The following ZDHHC9 variants were observed in gnomAD, a reference collection of about 807,000 sequenced individuals.
The protein encoded by ZDHHC9 is zDHHC palmitoyltransferase 9, also known as palmitoyltransferase ZDHHC9.
A neutral mutation model predicts 26.6 loss-of-function variants in ZDHHC9; 3 were observed. That is an observed-to-expected ratio of 0.11 (90% confidence interval 0.05 to 0.29). The LOEUF (loss-of-function observed/expected upper bound fraction) is 0.29, where lower values mean the gene tolerates loss of function less well. Among genes scored for constraint, ZDHHC9 ranks in the 10% least tolerant of loss-of-function variants. The probability of loss-of-function intolerance (pLI) is 1.00; values close to 1 mark genes in which losing one functional copy is unlikely to be tolerated. For missense variants in ZDHHC9, 146 were observed against 296.4 expected, an observed-to-expected ratio of 0.49 and a Z score of 3.73; for synonymous variants, 111 against 109.4, an observed-to-expected ratio of 1.01 and a Z score of -0.09.
Position 129,836,991 on chromosome X carries a change from T to C in ZDHHC9, c.167+4788A>G, listed in dbSNP as rs772851131. ...ATAGCCAAAGGGTAACAATGAACAA[T>C]GAGATAAAATGTCGAAATTAGAAGA... On this transcript the variant is annotated intron_variant, in intron 3 of 10. Transcript: ENST00000357166. 9.0e-4 allele frequency among the ~76,000 whole-genome samples: 101 copies of C among 111,667 alleles called. 1 individual carries two copies. Among genetic ancestry groups the C allele is most frequent in the South Asian group, 1.5e-3 (4 of 2,729 alleles).
chrX:129,809,858 C>T (rs764560953), intron 10 of ZDHHC9, among the ~76,000 whole-genome samples: 3 of 109,660 alleles, frequency 2.7e-5, no homozygotes, highest in South Asian at 7.8e-4. Context: ...ATTAGCTGGG[C>T]GTGGTGGCAC....
At chrX:129,840,459 C>T (rs1928354709) in intron 3 of ZDHHC9, among the ~76,000 whole-genome samples, 1 of 111,582 alleles carries the variant, frequency 9.0e-6, no homozygotes, top group Non-Finnish European at 1.9e-5. Flanking sequence ...TGCCTGACTA[C>T]ACATGCTCAC....
Position 129,804,939 on chromosome X carries a change from G to C in ZDHHC9, c.*1431C>G, listed in dbSNP as rs1370153410. 3.8e-5 allele frequency: 4 copies of C among 105,484 alleles called. No homozygotes were observed. Among genetic ancestry groups the C allele is most frequent in the Non-Finnish European group, 7.8e-5 (4 of 51,214 alleles). The allele number at this position is 105,484 out of a possible 1,213,427, so 8.7% of individuals were successfully genotyped here. A position where few individuals can be genotyped will look rare whatever the true frequency, so the allele number is the denominator to read the frequency against. ...GGGGGAAGGAGGAGGCAGGAAGTTT[G>C]CATTAGACACAGTTTAATCGCCTTC... On this transcript the variant is annotated 3_prime_UTR_variant, in exon 11 of 11. Transcript: ENST00000357166.
chrX:129,831,948 C>T (rs1569322062), intron 3 of ZDHHC9, among the ~76,000 whole-genome samples: 1 of 110,911 alleles, frequency 9.0e-6, no homozygotes, highest in East Asian at 2.8e-4. Context: ...AGAATAAGTT[C>T]ATGAGATCTA....
intron 1 of ZDHHC9, 96 bp downstream of exon 1, chrX:129,843,600 G>A (rs1375269559): frequency 9.0e-6 from 1 of 111,472 alleles, no homozygotes; most frequent in African/African-American, 3.3e-5. Flanking sequence ...AGTTGAGAAG[G>A]GCGGTGCCGA....
intron 3 of ZDHHC9, among the ~76,000 whole-genome samples, chrX:129,839,226 T>C (rs1240422906): frequency 9.3e-6 from 1 of 107,301 alleles, no homozygotes; most frequent in African/African-American, 3.4e-5. Flanking sequence ...CTAAGTTCTT[T>C]TTTTTTTTTT....
Position 129,832,181 on chromosome X carries a change from A to G in ZDHHC9, c.168-3040T>C, listed in dbSNP as rs934272124. 7.8e-4 allele frequency among the ~76,000 whole-genome samples: 85 copies of G among 109,448 alleles called. 1 individual carries two copies. Among genetic ancestry groups the G allele is most frequent in the Non-Finnish European group, 9.3e-4 (49 of 52,702 alleles). The stretch of plus-strand genomic sequence containing the variant: ...ATATCTTTATATATATATATAAAAT[A>G]TTTGTCAATTTAAAAAATACTTCAA... On this transcript the variant is annotated intron_variant, in intron 3 of 10. Transcript: ENST00000357166.
rs1927624954 is a variant in ZDHHC9, at chrX:129,810,935, C to G, written c.948G>C (p.Glu316Asp). Residue 316 changes from glutamate (E) to aspartate (D), a missense_variant, in exon 10 of 11, where the codon GAG becomes GAC. This residue lies in a region of ZDHHC9 where 46 missense variants were observed against 46.4 expected (regional missense o/e 0.99). Transcript: ENST00000357166. ...TCTGTGGCAAGAGGCTGCTACTGGT[C>G]TCTTGAGTACTGGGAGGTCGACTTC... ...ESGSRPPSTQETSSSLLPQSP... is the reference protein window; with the variant it reads ...ESGSRPPSTQDTSSSLLPQSP... 8.3e-7 allele frequency: 1 copy of G among 1,211,520 alleles called. No homozygotes were observed. Among genetic ancestry groups the G allele is most frequent in the Non-Finnish European group, 1.1e-6 (1 of 895,378 alleles).
At chrX:129,820,838 T>A (rs1927867023) in intron 5 of ZDHHC9, among the ~76,000 whole-genome samples, 2 of 111,316 alleles carry the variant, frequency 1.8e-5, no homozygotes. Flanking sequence ...TAGGTAAATG[T>A]GTGCCATGGT....
rs1328518552 is a variant in ZDHHC9 at position 129,843,715 on chromosome X, C to G, written c.-223G>C. The G allele has an allele frequency of 2.9e-5, 3 of 102,562 alleles. No homozygotes were observed. The highest frequency in any genetic ancestry group is 1.1e-4 in the African/African-American group (3 of 27,853). The allele number at this position is 102,562 out of a possible 1,213,427, so 8.5% of individuals were successfully genotyped here. A position where few individuals can be genotyped will look rare whatever the true frequency, so the allele number is the denominator to read the frequency against. ...CGTTACCTGAACCACGGAGACCCAA[C>G]TCGGCCGGCAGCTGACGGCAGGAAA... is the stretch of plus-strand genomic sequence containing the variant. On this transcript the variant is annotated 5_prime_UTR_variant, in exon 1 of 11. Transcript: ENST00000357166.
intron 5 of ZDHHC9, among the ~76,000 whole-genome samples, chrX:129,819,445 ACAG>A (rs745436017): frequency 2.7e-5 from 3 of 111,581 alleles, no homozygotes; most frequent in South Asian, 3.7e-4. Context: ...TGAAGAAATC[ACAG>A]TAGTGGAGGA....
intron 4 of ZDHHC9, among the ~76,000 whole-genome samples, 194 bp downstream of exon 4, chrX:129,828,787 C>G (rs1928078427): frequency 8.9e-6 from 1 of 111,932 alleles, no homozygotes; most frequent in South Asian, 3.7e-4. Context: ...CAGTGAAGGA[C>G]AAAGTCTATG....
chrX:129,830,688 A>G (rs1355628729), intron 3 of ZDHHC9, among the ~76,000 whole-genome samples: 1 of 111,905 alleles, frequency 8.9e-6, no homozygotes, highest in Non-Finnish European at 1.9e-5. Flanking sequence ...AAGTAAGCTA[A>G]GAAAAACGCT....
Position 129,805,786 on chromosome X carries a change from AGCT to A in ZDHHC9, c.*581_*583del. On this transcript the variant is annotated 3_prime_UTR_variant, in exon 11 of 11. Coordinates refer to ENST00000357166, the MANE Select transcript of ZDHHC9 (RefSeq NM_016032.4). ...CAGAGTGGATGGGAGACAAAGGAGA[AGCT>A]ACACTAATAAATACAACAAGTGGAA... 1.7e-5 allele frequency: 2 copies of A among 116,235 alleles called. No homozygotes were observed. Among genetic ancestry groups the A allele is most frequent in the Non-Finnish European group, 3.6e-5 (2 of 55,013 alleles). The allele number at this position is 116,235 out of a possible 1,213,427, so 9.6% of individuals were successfully genotyped here. A position where few individuals can be genotyped will look rare whatever the true frequency, so the allele number is the denominator to read the frequency against.
chrX:129,839,414 T>C (rs574158645), intron 3 of ZDHHC9, among the ~76,000 whole-genome samples: 1 of 110,174 alleles, frequency 9.1e-6, no homozygotes, highest in South Asian at 3.9e-4. Flanking sequence ...GGTTTTACCA[T>C]GTTGGCCAGG....
Position 129,818,185 on chromosome X carries a change from G to A in ZDHHC9, c.488-3390C>T, listed in dbSNP as rs897054897. 2.7e-5 allele frequency among the ~76,000 whole-genome samples: 3 copies of A among 112,000 alleles called. No individual in the cohort carries two copies. In the Admixed American group the frequency reaches 2.9e-4, roughly 11 times the overall value. On this transcript the variant is annotated intron_variant, in intron 5 of 10. Coordinates refer to ENST00000357166, the MANE Select transcript of ZDHHC9 (RefSeq NM_016032.4). ...TGTGAGCACAGAGAAAAGGTCACGT[G>A]AGGACACAGCAAGAAGGCAGCCATC...
At chrX:129,808,811 G>A (rs1225598089) in intron 10 of ZDHHC9, among the ~76,000 whole-genome samples, 2 of 112,100 alleles carry the variant, frequency 1.8e-5, no homozygotes, top group Admixed American at 1.9e-4. Context: ...TTTGCAAATT[G>A]TATATCTGGT....
chrX:129,819,479 G>A (rs1401646344), intron 5 of ZDHHC9, among the ~76,000 whole-genome samples: 2 of 110,456 alleles, frequency 1.8e-5, no homozygotes, highest in Non-Finnish European at 3.8e-5. Context: ...AAAAATGAAG[G>A]AAACAAAATC....
At position 129,823,614 on chromosome X, in the gene ZDHHC9, A is replaced by C. The variant is rs762979168; in HGVS notation, c.487+65T>G. 4.4e-4 allele frequency: 514 copies of C among 1,178,465 alleles called. No individual in the cohort carries two copies. The highest frequency in any genetic ancestry group is 5.6e-4 in the Non-Finnish European group (487 of 866,888). ...ATCTTCCCTCCTCCCAAAATTGGTGACCACCCTGACTTTCTAGTTCAACTC... is the reference window on the plus strand; with the variant it reads ...ATCTTCCCTCCTCCCAAAATTGGTGCCCACCCTGACTTTCTAGTTCAACTC... On this transcript the variant is annotated intron_variant, in intron 5 of 10. Coordinates refer to ENST00000357166, the MANE Select transcript of ZDHHC9 (RefSeq NM_016032.4).
Sources: gnomAD v4.1 joint callset for allele counts (sites outside exome capture counted in the v4.1 genomes callset) on GRCh38, gnomAD v4.1.1 for gene constraint, gnomAD v4.1.1 regional missense constraint, MANE v1.5 for transcripts, NCBI Gene and HGNC (gene_info 2026-07-23, HGNC 2026-07-21) for gene names.